The following LIG1 variants were observed in gnomAD, a reference collection of about 807,000 sequenced individuals.
LIG1 encodes ligase I, DNA, ATP-dependent.
Under a neutral mutation model 115.7 loss-of-function variants are expected in LIG1, and 70 were observed. The observed-to-expected ratio is 0.60, with a 90% CI of 0.50 to 0.74. The LOEUF (loss-of-function observed/expected upper bound fraction) is 0.74, where lower values mean the gene tolerates loss of function less well. Among genes scored for constraint, LIG1 ranks in the 30% least tolerant of loss-of-function variants. The pLI is 0.00. For missense variants in LIG1, 1,115 were observed against 1,225.6 expected (o/e 0.91, Z 1.35); for synonymous variants, 487 against 495.3 (o/e 0.98, Z 0.22).
intron 26 of LIG1, 89 bp from the exon 27 acceptor site, chr19:48,116,054 A>T: frequency 1.0e-6 from 1 of 955,544 alleles, no homozygotes; most frequent in Non-Finnish European, 1.7e-6. Context: ...CTGTTTCCTG[A>T]TCCACATGAC....
chr19:48,140,140 G>C lies in LIG1; in HGVS notation c.918C>G (p.Leu306=). Residue 306 remains leucine, a synonymous_variant, in exon 12 of 28, where the codon CTC becomes CTG. Coordinates refer to ENST00000263274, the MANE Select transcript of LIG1 (RefSeq NM_000234.3). The stretch of plus-strand genomic sequence containing the variant: ...AGTTGCTCAGCGTCTCCACCATCCG[G>C]AGCCTGGAGGAGGGGACGGGGGTAT... The part of the protein sequence containing the change: ...FEKIEEVSAR[L]RMVETLSNLL... 6.2e-7 allele frequency: 1 copy of C among 1,612,596 alleles called. No individual in the cohort carries two copies. The highest frequency in any genetic ancestry group is 8.5e-7 in the Non-Finnish European group (1 of 1,179,732).
intron 4 of LIG1, among the ~76,000 whole-genome samples, chr19:48,158,099 TC>T (rs1273557406): frequency 5.3e-5 from 8 of 152,200 alleles, no homozygotes; most frequent in African/African-American, 1.9e-4. Flanking sequence ...ACTGGAAGCA[TC>T]CTGAGGCTCT....
At position 48,123,021 on chromosome 19, in the gene LIG1, G is replaced by C. The variant is rs1376953802; in HGVS notation, c.2150-5C>G. 1 of 1,613,682 alleles carries C rather than the reference G, an allele frequency of 6.2e-7. No individual in the cohort carries two copies. Among genetic ancestry groups the C allele is most frequent in the Non-Finnish European group, 8.5e-7 (1 of 1,179,808 alleles). Reference sequence around the variant, plus strand: ...CCATCAGCCCCTCGCAGGAGTCTGAGGGAGACACAGAAGCGTGGTCCTTGG... The same window carrying C: ...CCATCAGCCCCTCGCAGGAGTCTGACGGAGACACAGAAGCGTGGTCCTTGG... On this transcript the variant is annotated splice_polypyrimidine_tract_variant and splice_region_variant and intron_variant, in intron 22 of 27. Coordinates refer to ENST00000263274, the MANE Select transcript of LIG1 (RefSeq NM_000234.3).
At position 48,131,118 on chromosome 19, in the gene LIG1, G is replaced by C; in HGVS notation, c.1779C>G (p.Asp593Glu). The C allele has an allele frequency of 6.2e-7, 1 of 1,614,120 alleles. No individual in the cohort carries two copies. The highest frequency in any genetic ancestry group is 2.2e-5 in the East Asian group (1 of 44,862). Residue 593 changes from aspartate (D) to glutamate (E), a missense_variant, in exon 19 of 28, where the codon GAC becomes GAG. Physicochemically the swap from Asp to Glu is conservative, Grantham distance 45. Transcript: ENST00000263274. ...TGATGTCCGGGTACTTCCCAGTGTT[G>C]TCTTCCTGATTCCTGCTGAAGATCT... ...EVKIFSRNQEDNTGKYPDIIS... is the reference protein window; with the variant it reads ...EVKIFSRNQEENTGKYPDIIS...
chr19:48,128,007 G>C lies in LIG1; in HGVS notation c.1835C>G (p.Ser612Trp), dbSNP rs780324684. The change falls in exon 20 of 28, where the codon TCG becomes TGG. Residue 612 changes from serine to tryptophan, a missense_variant. Ser to Trp is a radical substitution (Grantham distance 177). Coordinates refer to ENST00000263274, the MANE Select transcript of LIG1 (RefSeq NM_000234.3). ...ISRIPKIKLP[S>W]VTSFILDTEA... ...GGTGTCCAGGATGAAGGATGTGACC[G>C]ATGGGAGTTTAATCTGAAAAGTGAA... 5 of 1,614,044 alleles carry C rather than the reference G, an allele frequency of 3.1e-6. No homozygotes were observed. The highest frequency in any genetic ancestry group is 3.3e-5 in the Admixed American group (2 of 60,028).
intron 16 of LIG1, among the ~76,000 whole-genome samples, chr19:48,135,137 T>C (rs2034297128): frequency 6.6e-6 from 1 of 152,206 alleles, no homozygotes. Context: ...TGCCCTCCCT[T>C]GCTGTCAGCG....
chr19:48,157,756 A>C (rs1188213641), intron 4 of LIG1, among the ~76,000 whole-genome samples: 1 of 152,152 alleles, frequency 6.6e-6, no homozygotes, highest in African/African-American at 2.4e-5. Flanking sequence ...CACGTTGGCC[A>C]GGCTGGTCTC....
intron 7 of LIG1, among the ~76,000 whole-genome samples, chr19:48,150,873 T>C (rs1267871126): frequency 1.3e-5 from 2 of 151,238 alleles, no homozygotes; most frequent in East Asian, 1.9e-4. Context: ...CATTTTTGTA[T>C]TTTTTTTGGT....
intron 21 of LIG1, chr19:48,123,654 G>C (rs968479375): frequency 2.8e-6 from 1 of 358,486 alleles, no homozygotes; most frequent in Non-Finnish European, 5.4e-6. Flanking sequence ...ATCTCGCTCT[G>C]TCGCCCAGGC....
chr19:48,140,181 C>T (rs372540562), intron 11 of LIG1, 38 bp from the exon 12 acceptor site: 5 of 1,439,698 alleles, frequency 3.5e-6, no homozygotes, highest in African/African-American at 2.8e-5. Context: ...CGTGGTTCCT[C>T]AAGGTCAAAG....
intron 6 of LIG1, among the ~76,000 whole-genome samples, chr19:48,152,542 C>G (rs1473609047): frequency 6.6e-6 from 1 of 152,042 alleles, no homozygotes; most frequent in Non-Finnish European, 1.5e-5. Flanking sequence ...CATGCAGGCC[C>G]CAGATGATCA....
At chr19:48,131,276 G>A (rs1245765005) in intron 18 of LIG1, 105 bp from the exon 19 acceptor site, 1 of 805,290 alleles carries the variant, frequency 1.2e-6, no homozygotes, top group Non-Finnish European at 2.1e-6. Context: ...TGGAAGCTCT[G>A]GAGGAGGAAC....
intron 12 of LIG1, among the ~76,000 whole-genome samples, chr19:48,139,130 G>A (rs137882497): frequency 3.9e-5 from 6 of 152,266 alleles, no homozygotes; most frequent in East Asian, 3.9e-4. Flanking sequence ...TGACCAGCCC[G>A]AACCCTGGGC....
intron 6 of LIG1, among the ~76,000 whole-genome samples, chr19:48,153,637 AACACACAC>A (rs36171813): frequency 0.1 from 6,140 of 58,674 alleles, 485 homozygotes; most frequent in African/African-American, 0.15. Context: ...GCAGATCCAA[AACACACAC>A]ACACACACAC....
In LIG1 at chr19:48,122,511, GGAAA is replaced by G. The variant is rs2033358327; in HGVS notation, c.2232+419_2232+422del. 1.9e-5 allele frequency: 6 copies of G among 320,972 alleles called. No homozygotes were observed. The highest frequency in any genetic ancestry group is 1.6e-4 in the South Asian group (6 of 36,464). 19.9% of individuals were successfully genotyped at this position (320,972 alleles called of 1,614,324 possible). A position where few individuals can be genotyped will look rare whatever the true frequency, so the allele number is the denominator to read the frequency against. On this transcript the variant is annotated intron_variant, in intron 23 of 27. Coordinates refer to ENST00000263274, the MANE Select transcript of LIG1 (RefSeq NM_000234.3). The surrounding 1 kb of genome is among the most constrained non-coding windows in gnomAD (Gnocchi z 4.3). ...CCCTAGTGCTCTGTCCCTCACTTTG[GGAAA>G]GACTCTTCCTGATCATCCGGGGCAC...
At chr19:48,160,436 T>G (rs1349475535) in intron 4 of LIG1, among the ~76,000 whole-genome samples, 1 of 152,040 alleles carries the variant, frequency 6.6e-6, no homozygotes, top group Non-Finnish European at 1.5e-5. Context: ...GAGCTGTGGA[T>G]GCGGCTGCAG....
In LIG1 at chr19:48,161,373, T is replaced by A. The variant is rs1189848628; in HGVS notation, c.242A>T (p.Gln81Leu). Residue 81 changes from glutamine (Q) to leucine (L), a missense_variant and splice_region_variant, in exon 4 of 28, where the codon CAG becomes CTG. Coordinates refer to ENST00000263274, the MANE Select transcript of LIG1 (RefSeq NM_000234.3). ...EDEALSPAKG[Q>L]KPALDCSQVS... is the part of the protein sequence containing the mutation. ...ATGGGCAGGGTGATGGGGACCTACC[T>A]GGCCTTTAGCAGGGCTAAGGGCTTC... 1.4e-5 allele frequency: 23 copies of A among 1,614,174 alleles called. No homozygotes were observed. Among genetic ancestry groups the A allele is most frequent in the East Asian group, 6.7e-5 (3 of 44,872 alleles).
chr19:48,162,209 C>A, intron 3 of LIG1, 53 bp downstream of exon 3: 3 of 1,516,978 alleles, frequency 2.0e-6, no homozygotes, highest in Non-Finnish European at 2.7e-6. Context: ...GCAACCAAGA[C>A]AATCCTGACT....
At chr19:48,169,976 C>G (rs933793591) in intron 1 of LIG1, 1 of 270,418 alleles carries the variant, frequency 3.7e-6, no homozygotes, top group Non-Finnish European at 7.3e-6. Context: ...ACTCGCACCT[C>G]AAGGCCTCTT....
Sources: gnomAD v4.1 joint callset for allele counts (sites outside exome capture counted in the v4.1 genomes callset) on GRCh38, gnomAD v4.1.1 for gene constraint, Gnocchi (gnomAD v3.1) non-coding constraint, MANE v1.5 for transcripts, NCBI Gene and HGNC (gene_info 2026-07-23, HGNC 2026-07-21) for gene names.